The following GPR149 variants were observed in gnomAD, a reference collection of about 807,000 sequenced individuals.
GPR149 encodes the protein G protein-coupled receptor 149.
Under a neutral mutation model 50.2 loss-of-function variants are expected in GPR149, and 50 were observed. The ratio of observed to expected loss-of-function variants is 1.00; its 90% CI spans 0.79 to 1.26. The LOEUF is 1.26. GPR149 is among the 50% of genes most tolerant of loss of function. GPR149 has a pLI of 0.00. For missense variants in GPR149, 983 were observed against 895.4 expected, an observed-to-expected ratio of 1.10 and a Z score of -1.25; for synonymous variants, 405 against 358.2, an observed-to-expected ratio of 1.13 and a Z score of -1.48.
intron 3 of GPR149, among the ~76,000 whole-genome samples, chr3:154,371,183 C>T (rs1484830519): frequency 6.6e-6 from 1 of 152,202 alleles, no homozygotes; most frequent in Admixed American, 6.5e-5. Context: ...GAAAATGTAA[C>T]AGTCCTTGCA....
At chr3:154,374,600 T>C (rs918296624) in intron 3 of GPR149, among the ~76,000 whole-genome samples, 2 of 152,086 alleles carry the variant, frequency 1.3e-5, no homozygotes, top group East Asian at 3.9e-4. Flanking sequence ...TCAAAATGCA[T>C]AAAAATTAAT....
At chr3:154,397,129 T>C (rs1413965597) in intron 3 of GPR149, among the ~76,000 whole-genome samples, 6 of 152,186 alleles carry the variant, frequency 3.9e-5, no homozygotes, top group Middle Eastern at 3.4e-3. Flanking sequence ...CCAACTCCTA[T>C]TAATTGGGGA....
At chr3:154,345,726 T>C (rs190217074) in intron 3 of GPR149, among the ~76,000 whole-genome samples, 3 of 152,304 alleles carry the variant, frequency 2.0e-5, no homozygotes, top group East Asian at 3.9e-4. Flanking sequence ...GAAATTATAA[T>C]ATAAAAAGAG....
intron 3 of GPR149, among the ~76,000 whole-genome samples, chr3:154,408,622 A>C (rs1046598376): frequency 2.0e-5 from 3 of 152,148 alleles, no homozygotes; most frequent in African/African-American, 4.8e-5. Flanking sequence ...CTCCTTGGGA[A>C]TATAACTCCA....
intron 3 of GPR149, among the ~76,000 whole-genome samples, chr3:154,351,313 C>CAAAAAAAA (rs71155003): frequency 1.2e-3 from 87 of 75,562 alleles, no homozygotes; most frequent in Non-Finnish European, 1.7e-3. Context: ...CATCCACATA[C>CAAAAAAAA]AAAAAAAAAA....
rs930966164 is a variant in GPR149 at position 154,428,891 on chromosome 3, G to C, written c.725C>G (p.Pro242Arg). 2 of 1,613,924 alleles carry C rather than the reference G, an allele frequency of 1.2e-6. No homozygotes were observed. Among genetic ancestry groups the C allele is most frequent in the African/African-American group, 2.7e-5 (2 of 74,918 alleles). ...ISRGASIPGT[P>R]PTAGRVVSLS... ...GGAAACCACTCTCCCCGCAGTAGGA[G>C]GGGTCCCAGGAATTGAAGCTCCACG... The change falls in exon 1 of 4, where the codon CCT becomes CGT. Residue 242 changes from proline (P) to arginine (R), a missense_variant. Transcript: ENST00000389740.
chr3:154,399,245 C>CA (rs1260141549), intron 3 of GPR149, among the ~76,000 whole-genome samples: 3 of 152,122 alleles, frequency 2.0e-5, no homozygotes, highest in Non-Finnish European at 4.4e-5. Context: ...TCATTAAAGA[C>CA]AAGTCAGAGC....
In GPR149 at chr3:154,429,135, T is replaced by G; in HGVS notation, c.481A>C (p.Ser161Arg). The G allele has an allele frequency of 6.2e-7, 1 of 1,613,638 alleles. No homozygotes were observed. Among genetic ancestry groups the G allele is most frequent in the Non-Finnish European group, 8.5e-7 (1 of 1,179,908 alleles). Reference protein sequence around the residue: ...LGVVLTVWAASLLLSALPLCG... With the variant: ...LGVVLTVWAARLLLSALPLCG... ...AGCGGGAGCGCCGAGAGCAGCAGACTGGCTGCCCACACGGTCAGCACCACG... is the reference window on the plus strand; with the variant it reads ...AGCGGGAGCGCCGAGAGCAGCAGACGGGCTGCCCACACGGTCAGCACCACG... The change falls in exon 1 of 4, where the codon AGT (serine) becomes CGT (arginine). Residue 161 changes from serine (S) to arginine (R), a missense_variant. Physicochemically the swap from Ser to Arg is moderately radical, Grantham distance 110 (BLOSUM62 -1). Coordinates refer to ENST00000389740, the MANE Select transcript of GPR149 (RefSeq NM_001038705.3).
At chr3:154,345,079 T>C (rs1294785740) in intron 3 of GPR149, among the ~76,000 whole-genome samples, 1 of 152,234 alleles carries the variant, frequency 6.6e-6, no homozygotes, top group Non-Finnish European at 1.5e-5. Flanking sequence ...TGTTGATCTT[T>C]TTCTTCTCTG....
At chr3:154,387,319 G>C (rs556778996) in intron 3 of GPR149, among the ~76,000 whole-genome samples, 1 of 152,296 alleles carries the variant, frequency 6.6e-6, no homozygotes, top group African/African-American at 2.4e-5. Context: ...TTGAGGTACT[G>C]TCATTATCTG....
chr3:154,374,031 T>C (rs533114480), intron 3 of GPR149, among the ~76,000 whole-genome samples: 1 of 152,212 alleles, frequency 6.6e-6, no homozygotes, highest in East Asian at 1.9e-4. Flanking sequence ...ACAGAAAATA[T>C]CTTTTGGGTG....
chr3:154,417,833 G>T (rs754477086), intron 3 of GPR149, among the ~76,000 whole-genome samples: 11 of 152,046 alleles, frequency 7.2e-5, no homozygotes, highest in Admixed American at 3.3e-4. Flanking sequence ...ATTAAAAGTT[G>T]TTTTAGTCTT....
At chr3:154,367,967 A>G (rs1714579653) in intron 3 of GPR149, among the ~76,000 whole-genome samples, 2 of 152,214 alleles carry the variant, frequency 1.3e-5, no homozygotes, top group African/African-American at 4.8e-5. Flanking sequence ...CGGCCGCCGG[A>G]CTAAAGACAC....
chr3:154,362,157 C>T (rs1356838150), intron 3 of GPR149, among the ~76,000 whole-genome samples: 9 of 151,838 alleles, frequency 5.9e-5, no homozygotes, highest in East Asian at 3.9e-4. Flanking sequence ...GGCGTGGTGG[C>T]GGGCATCTGT....
chr3:154,429,735 C>CT lies in GPR149; in HGVS notation c.-121dup, dbSNP rs1328942115. On this transcript the variant is annotated 5_prime_UTR_variant, in exon 1 of 4. Transcript: ENST00000389740. ...ACCAAGTTCCCCTCTAGATGTTCTC[C>CT]TTGTCAGTCCTGCAGAAAATGGTCA... The CT allele has an allele frequency of 1.2e-6, 1 of 818,510 alleles. No individual in the cohort carries two copies. The highest frequency in any genetic ancestry group is 1.7e-5 in the African/African-American group (1 of 58,438). The allele number at this position is 818,510 out of a possible 1,614,324, so 50.7% of individuals were successfully genotyped here. A position where few individuals can be genotyped will look rare whatever the true frequency, so the allele number is the denominator to read the frequency against.
At chr3:154,354,128 C>A in intron 3 of GPR149, 1 of 499,742 alleles carries the variant, frequency 2.0e-6, no homozygotes, top group South Asian at 1.6e-5. Flanking sequence ...TTTAGCTTCT[C>A]TTTCATTTTA....
Position 154,335,104 on chromosome 3 carries a change from A to C in GPR149, c.*2595T>G, listed in dbSNP as rs1375648639. On this transcript the variant is annotated 3_prime_UTR_variant, in exon 4 of 4. Coordinates refer to ENST00000389740, the MANE Select transcript of GPR149 (RefSeq NM_001038705.3). ...CTCGGGGATTACGTGTTTGCAGTTT[A>C]TAGGAGTCACCACCAGATGGTGATA... 2.6e-5 allele frequency: 4 copies of C among 152,096 alleles called. No homozygotes were observed. The highest frequency in any genetic ancestry group is 9.7e-5 in the African/African-American group (4 of 41,442). The allele number at this position is 152,096 out of a possible 1,614,324, so 9.4% of individuals were successfully genotyped here.
chr3:154,343,070 C>G (rs1559968758), intron 3 of GPR149, among the ~76,000 whole-genome samples: 1 of 152,124 alleles, frequency 6.6e-6, no homozygotes, highest in African/African-American at 2.4e-5. Flanking sequence ...GCTGTAAGTT[C>G]TGCCTGGGTA....
chr3:154,366,978 T>C (rs1463590647), intron 3 of GPR149, among the ~76,000 whole-genome samples: 1 of 152,236 alleles, frequency 6.6e-6, no homozygotes, highest in Non-Finnish European at 1.5e-5. Context: ...TCATTTGTGC[T>C]GCTTTAATAA....
Sources: gnomAD v4.1 joint callset for allele counts (sites outside exome capture counted in the v4.1 genomes callset) on GRCh38, gnomAD v4.1.1 for gene constraint, MANE v1.5 for transcripts, NCBI Gene and HGNC (gene_info 2026-07-23, HGNC 2026-07-21) for gene names.